RTL4: variants seen among roughly 807,000 people sequenced by gnomAD.
RTL4 encodes the protein retrotransposon Gag-like protein 4.
RTL4 carries 4 observed loss-of-function variants against 5.3 expected under a neutral mutation model. The observed-to-expected ratio is 0.75, with a 90% confidence interval of 0.37 to 1.72. The LOEUF (loss-of-function observed/expected upper bound fraction) is 1.72, where lower values mean the gene tolerates loss of function less well. Among genes scored for constraint, RTL4 ranks in the 40% most tolerant of loss-of-function variants. The pLI, the probability that RTL4 is intolerant of heterozygous loss-of-function variation, is 0.04. For synonymous variants in RTL4, 98 were observed against 87.3 expected (o/e 1.12, Z -0.68); for missense variants, 260 against 227.1 (o/e 1.14, Z -0.93).
chrX:112,348,084 C>T, the RTL4 span, among the ~76,000 whole-genome samples: 29 of 110,984 alleles, frequency 2.6e-4, no homozygotes, highest in Non-Finnish European at 4.5e-4. Context: ...AATTCTAAGT[C>T]GAATCTTACA....
the RTL4 span, among the ~76,000 whole-genome samples, chrX:112,356,872 C>A: frequency 8.1e-5 from 9 of 111,361 alleles, no homozygotes; most frequent in Non-Finnish European, 1.5e-4. Context: ...AAAACATGAC[C>A]ATTGTCCTTT....
At chrX:112,419,627 A>ACATATGTATATGTATATATATATTTAC in the RTL4 span, among the ~76,000 whole-genome samples, 11 of 93,757 alleles carry the variant, frequency 1.2e-4, no homozygotes, top group South Asian at 4.7e-4. Context: ...ATATATATTT[A>ACATATGTATATGTATATATATATTTAC]AGTATGTAAA....
chrX:112,286,346 T>C, the RTL4 span, among the ~76,000 whole-genome samples: 1 of 112,018 alleles, frequency 8.9e-6, no homozygotes, highest in Non-Finnish European at 1.9e-5. Flanking sequence ...AGCCAGATCA[T>C]ATACATACTT....
chrX:112,402,047 CCTT>C, the RTL4 span, among the ~76,000 whole-genome samples: 4 of 111,947 alleles, frequency 3.6e-5, no homozygotes, highest in African/African-American at 1.3e-4. Flanking sequence ...GCTTAGTGTA[CCTT>C]CTTCTCCATC....
At chrX:112,301,201 C>T in the RTL4 span, among the ~76,000 whole-genome samples, 19,708 of 111,051 alleles carry the variant, frequency 0.18, 1,465 homozygotes, top group Admixed American at 0.31. Flanking sequence ...CAAAGTGGTA[C>T]GGAGTGACTG....
the RTL4 span, among the ~76,000 whole-genome samples, chrX:112,191,980 C>T: frequency 9.1e-6 from 1 of 109,878 alleles, no homozygotes; most frequent in Non-Finnish European, 1.9e-5. Context: ...TAAATTTCTT[C>T]CTAGGTATTT....
At chrX:112,343,363 CCT>C in the RTL4 span, among the ~76,000 whole-genome samples, 1 of 111,537 alleles carries the variant, frequency 9.0e-6, no homozygotes, top group Admixed American at 9.5e-5. Flanking sequence ...AGAATCTTAC[CCT>C]GTTTCCCATC....
chrX:112,108,046 G>A, the RTL4 span, among the ~76,000 whole-genome samples: 4 of 110,561 alleles, frequency 3.6e-5, no homozygotes, highest in Admixed American at 9.6e-5. Flanking sequence ...CAAATAACCT[G>A]TCTTCAAGTT....
At chrX:112,417,909 A>G in the RTL4 span, among the ~76,000 whole-genome samples, 1 of 112,029 alleles carries the variant, frequency 8.9e-6, no homozygotes, top group Non-Finnish European at 1.9e-5. Flanking sequence ...GCACTTTAGG[A>G]GGCCAAGGAG....
chrX:112,382,086 A>G, the RTL4 span: 52 of 1,210,260 alleles, frequency 4.3e-5, no homozygotes, highest in Non-Finnish European at 5.5e-5. Flanking sequence ...CAGCTGCAGC[A>G]GGAACAGTGG....
the RTL4 span, among the ~76,000 whole-genome samples, chrX:112,204,700 G>A: frequency 9.0e-6 from 1 of 111,548 alleles, no homozygotes; most frequent in East Asian, 2.8e-4. Context: ...CAAGGGAGGT[G>A]AGGGTGGTTA....
chrX:112,373,664 A>G, the RTL4 span, among the ~76,000 whole-genome samples: 14 of 102,223 alleles, frequency 1.4e-4, no homozygotes, highest in African/African-American at 5.4e-4. Context: ...CATTTTAACT[A>G]TACTGCTCAA....
chrX:112,317,467 A>G, the RTL4 span, among the ~76,000 whole-genome samples: 1 of 112,007 alleles, frequency 8.9e-6, no homozygotes, highest in African/African-American at 3.2e-5. Context: ...AATAAAAGCC[A>G]TGTTTCCCCC....
chrX:112,105,821 C>A, the RTL4 span, among the ~76,000 whole-genome samples: 2 of 111,287 alleles, frequency 1.8e-5, no homozygotes, highest in African/African-American at 6.5e-5. Flanking sequence ...ATGTCATCTG[C>A]AAATAGAAAC....
At chrX:112,207,772 T>A in the RTL4 span, among the ~76,000 whole-genome samples, 4 of 110,115 alleles carry the variant, frequency 3.6e-5, no homozygotes, top group Non-Finnish European at 3.8e-5. Context: ...TCTTTAAAAC[T>A]CCTCCAGAGG....
At chrX:112,396,682 C>A in the RTL4 span, among the ~76,000 whole-genome samples, 5 of 107,879 alleles carry the variant, frequency 4.6e-5, no homozygotes, top group South Asian at 1.6e-3. Context: ...ACAATATTGA[C>A]GCATTATTAT....
the RTL4 span, among the ~76,000 whole-genome samples, chrX:112,300,761 G>A: frequency 8.9e-6 from 1 of 112,427 alleles, no homozygotes; most frequent in Non-Finnish European, 1.9e-5. Flanking sequence ...GTATGGCACT[G>A]CAGCCACATT....
At chrX:112,127,498 C>T in the RTL4 span, among the ~76,000 whole-genome samples, 1 of 111,808 alleles carries the variant, frequency 8.9e-6, no homozygotes, top group African/African-American at 3.2e-5. Flanking sequence ...AGACTGAAAG[C>T]TTTCTTCCTA....
the RTL4 span, among the ~76,000 whole-genome samples, chrX:112,230,213 C>T: frequency 8.9e-6 from 1 of 112,735 alleles, no homozygotes; most frequent in Non-Finnish European, 1.9e-5. Context: ...TTTACCTACT[C>T]AAGCCTGAGC....
Sources: allele counts gnomAD v4.1 joint callset (sites outside exome capture counted in the v4.1 genomes callset), GRCh38; gene constraint gnomAD v4.1.1; transcripts MANE v1.5; gene names NCBI Gene and HGNC (gene_info 2026-07-23, HGNC 2026-07-21).